NPEPPS: variants seen among roughly 807,000 people sequenced by gnomAD.
The protein encoded by NPEPPS is puromycin-sensitive aminopeptidase.
In NPEPPS, 14 loss-of-function variants were observed where a neutral mutation model predicts 115.5. The ratio of observed to expected loss-of-function variants is 0.12; its 90% CI spans 0.08 to 0.19. The LOEUF (loss-of-function observed/expected upper bound fraction) is 0.19. Among genes scored for constraint, NPEPPS ranks in the 10% least tolerant of loss-of-function variants. The probability of loss-of-function intolerance (pLI) is 1.00; values close to 1 mark genes in which losing one functional copy is unlikely to be tolerated. For missense variants in NPEPPS, 523 were observed against 1,110.8 expected (o/e 0.47, Z 7.52); for synonymous variants, 285 against 390.6 (o/e 0.73, Z 3.19).
At chr17:47,613,920 A>T (rs1040688574) in intron 19 of NPEPPS, among the ~76,000 whole-genome samples, 195 bp downstream of exon 19, 1 of 152,072 alleles carries the variant, frequency 6.6e-6, no homozygotes, top group Non-Finnish European at 1.5e-5. Context: ...ATGATGCCAA[A>T]GACATCTTAC....
intron 2 of NPEPPS, among the ~76,000 whole-genome samples, chr17:47,555,348 T>G (rs1402721758): frequency 6.0e-5 from 2 of 33,284 alleles, no homozygotes; most frequent in Non-Finnish European, 1.6e-4. Context: ...TATGCTGTTC[T>G]TTTTTTTTTT....
intron 1 of NPEPPS, among the ~76,000 whole-genome samples, chr17:47,539,526 T>A (rs1482705308): frequency 9.1e-6 from 1 of 110,060 alleles, no homozygotes; most frequent in Non-Finnish European, 2.0e-5. Flanking sequence ...GCATGCTTTT[T>A]TTGGGGGGGG....
chr17:47,591,702 C>G, intron 10 of NPEPPS: 1 of 358,878 alleles, frequency 2.8e-6, no homozygotes, highest in South Asian at 5.5e-5. Context: ...ATAAACAGAA[C>G]CATAGTGGCT....
intron 2 of NPEPPS, among the ~76,000 whole-genome samples, chr17:47,564,477 A>G (rs1597841958): frequency 6.6e-6 from 1 of 151,960 alleles, no homozygotes; most frequent in Non-Finnish European, 1.5e-5. Context: ...ATTCTCTCAT[A>G]CTCCATTTTT....
intron 3 of NPEPPS, among the ~76,000 whole-genome samples, chr17:47,576,458 C>T (rs1911529544): frequency 6.6e-6 from 1 of 152,140 alleles, no homozygotes; most frequent in South Asian, 2.1e-4. Flanking sequence ...CACCACTGCA[C>T]TTTAGCCTGG....
At position 47,578,521 on chromosome 17, in the gene NPEPPS, A is replaced by ATAAT. The variant is rs1567855492; in HGVS notation, c.419-868_419-867insAATT. On this transcript the variant is annotated intron_variant, in intron 3 of 22. Coordinates refer to ENST00000322157, the MANE Select transcript of NPEPPS (RefSeq NM_006310.4). ...TTTAGCAGATGATTACTAGATAATA[A>ATAAT]TTATAATTTTTTATGTTATAAAAAA... Among the ~76,000 whole-genome samples, 10 of 151,754 alleles carry ATAAT rather than the reference A, an allele frequency of 6.6e-5. No homozygotes were observed. In the East Asian group the frequency reaches 1.7e-3, roughly 26 times the overall value.
At chr17:47,535,549 C>CAAAA (rs1002859470) in intron 1 of NPEPPS, among the ~76,000 whole-genome samples, 1 of 88,946 alleles carries the variant, frequency 1.1e-5, no homozygotes, top group Non-Finnish European at 2.2e-5. Flanking sequence ...GGCTCCGTCT[C>CAAAA]AAAAAAAAAA....
chr17:47,556,073 CT>C (rs747406184), intron 2 of NPEPPS, among the ~76,000 whole-genome samples: 4,801 of 80,668 alleles, frequency 0.06, 202 homozygotes, highest in East Asian at 0.12. Context: ...AAGCAATTCT[CT>C]TTTTTTTTTT....
chr17:47,589,876 A>C (rs944886757), intron 9 of NPEPPS, among the ~76,000 whole-genome samples: 49 of 151,966 alleles, frequency 3.2e-4, no homozygotes, highest in African/African-American at 1.2e-3. Context: ...TGGCTCTGAT[A>C]GTTTTCTGTT....
intron 19 of NPEPPS, among the ~76,000 whole-genome samples, chr17:47,614,974 C>T (rs950218146): frequency 1.3e-5 from 2 of 151,980 alleles, no homozygotes; most frequent in East Asian, 3.9e-4. Context: ...TTAAACAAAT[C>T]CTCTGAAAAA....
At chr17:47,537,884 T>G (rs1271547905) in intron 1 of NPEPPS, among the ~76,000 whole-genome samples, 4 of 147,188 alleles carry the variant, frequency 2.7e-5, no homozygotes, top group Admixed American at 6.8e-5. Context: ...TTCATATCTG[T>G]TTTTTTTTTT....
At chr17:47,546,043 G>GTGTGTGT (rs1909180774) in intron 2 of NPEPPS, 50 bp downstream of exon 2, 1 of 1,085,576 alleles carries the variant, frequency 9.2e-7, no homozygotes, top group Non-Finnish European at 1.2e-6. Flanking sequence ...GCATATGTGG[G>GTGTGTGT]GTGTGTGTGT....
At chr17:47,582,577 T>G in intron 4 of NPEPPS, 165 bp from the exon 5 acceptor site, 1 of 673,762 alleles carries the variant, frequency 1.5e-6, no homozygotes, top group Non-Finnish European at 2.7e-6. Flanking sequence ...TAGCAAGTGT[T>G]GTCTTTTCTT....
intron 14 of NPEPPS, 73 bp from the exon 15 acceptor site, chr17:47,601,535 C>T: frequency 6.4e-7 from 1 of 1,559,024 alleles, no homozygotes; most frequent in Non-Finnish European, 8.8e-7. Flanking sequence ...CTGGTTAGAA[C>T]ACCACCACTC....
intron 2 of NPEPPS, among the ~76,000 whole-genome samples, chr17:47,549,033 A>AT (rs1909442422): frequency 1.3e-5 from 2 of 152,112 alleles, no homozygotes. Context: ...TAAAACGTTA[A>AT]ATTATTTTAG....
chr17:47,576,583 G>T (rs2644363), intron 3 of NPEPPS, among the ~76,000 whole-genome samples: 1 of 152,072 alleles, frequency 6.6e-6, no homozygotes, highest in Admixed American at 6.5e-5. Context: ...CATTTAGTAG[G>T]CTCATTAAAT....
chr17:47,582,956 T>C (rs2143843761), intron 5 of NPEPPS, 107 bp downstream of exon 5: 1 of 550,110 alleles, frequency 1.8e-6, no homozygotes, highest in East Asian at 3.0e-5. Flanking sequence ...TGCTGGTATA[T>C]TATAGGAACA....
At chr17:47,564,383 A>G (rs2143785887) in intron 2 of NPEPPS, among the ~76,000 whole-genome samples, 1 of 151,930 alleles carries the variant, frequency 6.6e-6, no homozygotes, top group South Asian at 2.1e-4. Flanking sequence ...TTAAGAAGAA[A>G]GAATTAGGTA....
chr17:47,567,554 A>T (rs1910903122), intron 2 of NPEPPS, among the ~76,000 whole-genome samples: 1 of 152,026 alleles, frequency 6.6e-6, no homozygotes, highest in African/African-American at 2.4e-5. Context: ...TTGATGTATA[A>T]TTCACATACC....
Sources: allele counts gnomAD v4.1 joint callset (sites outside exome capture counted in the v4.1 genomes callset), GRCh38; gene constraint gnomAD v4.1.1; transcripts MANE v1.5; gene names NCBI Gene and HGNC (gene_info 2026-07-23, HGNC 2026-07-21).